The following SPMIP11 variants were observed in gnomAD, a reference collection of about 807,000 sequenced individuals.
SPMIP11 encodes sperm microtubule inner protein 11, also known as long intergenic non-protein coding RNA 935.
At chr12:48,769,493 G>A in the SPMIP11 span, among the ~76,000 whole-genome samples, 7 of 150,406 alleles carry the variant, frequency 4.7e-5, no homozygotes, top group Admixed American at 4.6e-4. Flanking sequence ...GAGCTCCCCT[G>A]AGTCAAGACA....
the SPMIP11 span, among the ~76,000 whole-genome samples, chr12:48,742,585 T>C: frequency 6.6e-6 from 1 of 152,030 alleles, no homozygotes; most frequent in Non-Finnish European, 1.5e-5. Context: ...GCTTCATTTT[T>C]ATAAAAGCCA....
the SPMIP11 span, among the ~76,000 whole-genome samples, chr12:48,729,573 G>T: frequency 6.6e-6 from 1 of 151,682 alleles, no homozygotes; most frequent in South Asian, 2.1e-4. Context: ...AGCTGGGCAT[G>T]GCGGTGCATG....
the SPMIP11 span, among the ~76,000 whole-genome samples, chr12:48,763,252 C>T: frequency 1.6e-4 from 25 of 152,208 alleles, no homozygotes; most frequent in Non-Finnish European, 3.4e-4. Context: ...TCACTGCAGC[C>T]TCAACAACCT....
chr12:48,740,510 T>C, the SPMIP11 span, among the ~76,000 whole-genome samples: 7 of 150,794 alleles, frequency 4.6e-5, no homozygotes, highest in Non-Finnish European at 7.4e-5. Context: ...TTTTTTTTTT[T>C]CAGACAGGGT....
chr12:48,768,529 G>A, the SPMIP11 span: 93 of 1,612,934 alleles, frequency 5.8e-5, 6 homozygotes, highest in South Asian at 1.0e-3. Context: ...TCCACCCAGT[G>A]AGCACAGAGT....
the SPMIP11 span, among the ~76,000 whole-genome samples, chr12:48,744,579 C>T: frequency 3.3e-5 from 5 of 152,016 alleles, no homozygotes; most frequent in African/African-American, 1.2e-4. Flanking sequence ...ACTAAAAATA[C>T]AAAACTTAGC....
At chr12:48,737,607 G>T in the SPMIP11 span, among the ~76,000 whole-genome samples, 2 of 151,102 alleles carry the variant, frequency 1.3e-5, no homozygotes, top group East Asian at 3.9e-4. Context: ...TAGAGACAGG[G>T]TTTCTCCATG....
chr12:48,765,001 G>A, the SPMIP11 span: 1 of 702,584 alleles, frequency 1.4e-6, no homozygotes, highest in South Asian at 1.5e-5. Flanking sequence ...ACCAGGTTAG[G>A]CTGGGAGGGG....
At chr12:48,759,453 C>A in the SPMIP11 span, 2 of 600,052 alleles carry the variant, frequency 3.3e-6, no homozygotes, top group Admixed American at 5.1e-5. Context: ...CTTTGGGAGG[C>A]CGAGGCAGGC....
chr12:48,764,977 T>A, the SPMIP11 span: 1 of 702,680 alleles, frequency 1.4e-6, no homozygotes, highest in African/African-American at 1.7e-5. Context: ...CATTGTCTCA[T>A]AAAAAGCGCG....
At chr12:48,771,119 A>T in the SPMIP11 span, 1 of 786,358 alleles carries the variant, frequency 1.3e-6, no homozygotes, top group Non-Finnish European at 2.0e-6. The surrounding 1 kb of genome is among the most constrained non-coding windows in gnomAD (Gnocchi z 4.3). Flanking sequence ...TGTAAGACTG[A>T]GGAGCTGGGA....
the SPMIP11 span, among the ~76,000 whole-genome samples, chr12:48,743,479 G>A: frequency 6.6e-6 from 1 of 152,106 alleles, no homozygotes; most frequent in African/African-American, 2.4e-5. Context: ...CGGGAGAGAA[G>A]GGGAATCACA....
chr12:48,759,325 A>AAG, the SPMIP11 span: 1 of 702,890 alleles, frequency 1.4e-6, no homozygotes, highest in Non-Finnish European at 2.6e-6. Context: ...GGTGTTGTTG[A>AAG]AGACGTGTAA....
the SPMIP11 span, among the ~76,000 whole-genome samples, chr12:48,744,817 G>A: frequency 0.037 from 3,868 of 103,150 alleles, 180 homozygotes; most frequent in African/African-American, 0.099. Context: ...GAAAAAGGAA[G>A]AAGAAGAAGA....
the SPMIP11 span, among the ~76,000 whole-genome samples, chr12:48,762,656 C>T: frequency 6.6e-6 from 1 of 152,124 alleles, no homozygotes; most frequent in Non-Finnish European, 1.5e-5. Flanking sequence ...GCGTGAGCCA[C>T]TGCATCCGGC....
chr12:48,765,469 T>A, the SPMIP11 span: 1 of 611,230 alleles, frequency 1.6e-6, no homozygotes. Flanking sequence ...AACCTTGTGA[T>A]CCACCCGCCA....
chr12:48,770,568 T>G, the SPMIP11 span, among the ~76,000 whole-genome samples: 1 of 152,320 alleles, frequency 6.6e-6, no homozygotes, highest in East Asian at 1.9e-4. Context: ...AGTATCAGGA[T>G]TAAAATATGC....
At chr12:48,754,672 G>A in the SPMIP11 span, among the ~76,000 whole-genome samples, 1 of 151,806 alleles carries the variant, frequency 6.6e-6, no homozygotes, top group Non-Finnish European at 1.5e-5. Flanking sequence ...GGATGGTCTC[G>A]ATCTCCTGAC....
At chr12:48,759,806 GAAA>G in the SPMIP11 span, among the ~76,000 whole-genome samples, 1 of 150,646 alleles carries the variant, frequency 6.6e-6, no homozygotes, top group Non-Finnish European at 1.5e-5. Context: ...ATGATAAAAT[GAAA>G]AAAAAAATTT....
Sources: allele counts gnomAD v4.1 joint callset (sites outside exome capture counted in the v4.1 genomes callset), GRCh38; gene constraint gnomAD v4.1.1; non-coding constraint Gnocchi (gnomAD v3.1); transcripts MANE v1.5; gene names NCBI Gene and HGNC (gene_info 2026-07-23, HGNC 2026-07-21).